SAMD5: variants seen among roughly 807,000 people sequenced by gnomAD.
SAMD5 encodes sterile alpha motif domain containing 5, also known as sterile alpha motif domain-containing protein 5.
Under a neutral mutation model 11.3 loss-of-function variants are expected in SAMD5, and 13 were observed. The observed-to-expected ratio is 1.15, with a 90% confidence interval of 0.75 to 1.83. The LOEUF is 1.83. Ranked by LOEUF, SAMD5 falls within the 40% of genes most tolerant of loss-of-function variation. The probability of loss-of-function intolerance (pLI) is 0.00; values close to 1 mark genes in which losing one functional copy is unlikely to be tolerated. For synonymous variants in SAMD5, 129 were observed against 111.3 expected, an observed-to-expected ratio of 1.16 and a Z score of -1.00; for missense variants, 255 against 239.1, an observed-to-expected ratio of 1.07 and a Z score of -0.44.
Position 147,568,858 on chromosome 6 carries a change from G to C in SAMD5, c.*4402G>C. Reference sequence around the variant, plus strand: ...GGACATAAAATCAAATAACTTTCTAGTCCATGATCATTAATCCCTACTATT... The same window carrying C: ...GGACATAAAATCAAATAACTTTCTACTCCATGATCATTAATCCCTACTATT... On this transcript the variant is annotated 3_prime_UTR_variant, in exon 2 of 2. Transcript: ENST00000367474. The C allele has an allele frequency of 4.2e-6, 4 of 955,950 alleles. No individual in the cohort carries two copies. In the South Asian group the frequency reaches 1.9e-4, roughly 46 times the overall value. 59.2% of individuals were successfully genotyped at this position (955,950 alleles called of 1,614,324 possible).
Position 147,730,297 on chromosome 6 carries a change from G to A in SAMD5, c.163-7020G>A. 2.3e-5 allele frequency: 8 copies of A among 341,214 alleles called. 1 individual carries two copies. The highest frequency in any genetic ancestry group is 2.0e-4 in the South Asian group (8 of 41,024). 21.1% of individuals were successfully genotyped at this position (341,214 alleles called of 1,614,324 possible). On this transcript the variant is annotated intron_variant, in intron 1 of 1. Transcript: ENST00000566741. ...GGATCACTTTGACTGATGTGTTGAG[G>A]GACTAAACACAGACTAAAGAGGGAC...
At chr6:147,913,764 A>T in the SAMD5 span, among the ~76,000 whole-genome samples, 1 of 152,244 alleles carries the variant, frequency 6.6e-6, no homozygotes, top group African/African-American at 2.4e-5. Flanking sequence ...ATGGACTTGA[A>T]TTAGATGTAT....
At chr6:147,626,483 A>T (rs6916466) in intron 1 of SAMD5, among the ~76,000 whole-genome samples, 1 of 151,344 alleles carries the variant, frequency 6.6e-6, no homozygotes, top group Non-Finnish European at 1.5e-5. Flanking sequence ...ATTATGTAGT[A>T]GAACACTGAT....
chr6:147,788,651 G>A, the SAMD5 span, among the ~76,000 whole-genome samples: 35 of 152,284 alleles, frequency 2.3e-4, no homozygotes, highest in African/African-American at 8.4e-4. Flanking sequence ...TTAAGAATAT[G>A]AGTGAAGTTT....
chr6:147,552,826 T>C (rs1031030918), intron 1 of SAMD5, among the ~76,000 whole-genome samples: 9 of 152,324 alleles, frequency 5.9e-5, no homozygotes, highest in Non-Finnish European at 2.9e-5. Flanking sequence ...CTGTAGGGCA[T>C]GCTTCACAAA....
rs75436316 is a variant in SAMD5 at position 147,563,347 on chromosome 6, T to G, written c.460-1047T>G. ...GATGATGTCTGCAGTATGATTTTTATTTTTTGGGAGCTTACAAGGCTTGGA... is the reference window on the plus strand; with the variant it reads ...GATGATGTCTGCAGTATGATTTTTAGTTTTTGGGAGCTTACAAGGCTTGGA... On this transcript the variant is annotated intron_variant, in intron 1 of 1. Coordinates refer to ENST00000367474, the MANE Select transcript of SAMD5 (RefSeq NM_001030060.3). Among the ~76,000 whole-genome samples the G allele has an allele frequency of 4.2e-3, 635 of 152,332 alleles. 2 individuals carry two copies. The highest frequency in any genetic ancestry group is 0.015 in the African/African-American group (608 of 41,570).
At chr6:147,819,838 G>A in the SAMD5 span, among the ~76,000 whole-genome samples, 5 of 152,166 alleles carry the variant, frequency 3.3e-5, no homozygotes, top group East Asian at 7.7e-4. Flanking sequence ...GAAAAGAGAG[G>A]GCCTGAGAAA....
At chr6:147,814,152 A>C in the SAMD5 span, among the ~76,000 whole-genome samples, 1 of 152,264 alleles carries the variant, frequency 6.6e-6, no homozygotes, top group South Asian at 2.1e-4. Context: ...TCCAATGGAA[A>C]ACATTAGTAT....
chr6:147,564,995 A>G lies in SAMD5; in HGVS notation c.*539A>G. 2.3e-6 allele frequency: 2 copies of G among 877,436 alleles called. No individual in the cohort carries two copies. Among genetic ancestry groups the G allele is most frequent in the Non-Finnish European group, 2.7e-6 (2 of 732,394 alleles). The allele number at this position is 877,436 out of a possible 1,614,324, so 54.4% of individuals were successfully genotyped here. ...TCTATGTAGAATAGTTTGGTGAAGG[A>G]ATTCTTATTTTAAGGTGCTTTTATA... On this transcript the variant is annotated 3_prime_UTR_variant, in exon 2 of 2. Transcript: ENST00000367474.
chr6:147,910,442 G>T, the SAMD5 span, among the ~76,000 whole-genome samples: 3 of 152,210 alleles, frequency 2.0e-5, no homozygotes, highest in African/African-American at 7.2e-5. Context: ...TCCGGGCGCA[G>T]CGGTGCCCTC....
At chr6:147,936,188 C>T in the SAMD5 span, among the ~76,000 whole-genome samples, 1 of 152,274 alleles carries the variant, frequency 6.6e-6, no homozygotes, top group African/African-American at 2.4e-5. Flanking sequence ...TTGTACTCTT[C>T]TCAGCCTGTT....
intron 1 of SAMD5, among the ~76,000 whole-genome samples, chr6:147,728,148 G>A (rs1301015790): frequency 9.3e-6 from 1 of 107,640 alleles, no homozygotes; most frequent in Non-Finnish European, 2.2e-5. Flanking sequence ...TAACCAGGCT[G>A]GGCCCAGCGG....
the SAMD5 span, among the ~76,000 whole-genome samples, chr6:147,829,307 A>G: frequency 2.0e-5 from 3 of 152,182 alleles, no homozygotes; most frequent in African/African-American, 7.2e-5. Flanking sequence ...TGCGAGGAGA[A>G]GCTCTGAGGC....
At chr6:147,804,150 C>T in the SAMD5 span, among the ~76,000 whole-genome samples, 2 of 149,426 alleles carry the variant, frequency 1.3e-5, no homozygotes, top group African/African-American at 2.5e-5. Flanking sequence ...TGCTGTCGGC[C>T]AGGCTGGAGT....
the SAMD5 span, among the ~76,000 whole-genome samples, chr6:147,919,798 T>C: frequency 1.3e-5 from 2 of 152,210 alleles, no homozygotes; most frequent in African/African-American, 4.8e-5. Flanking sequence ...TAAAACTTTA[T>C]AGCTGGAGAA....
chr6:147,662,769 T>C (rs954213215), intron 1 of SAMD5, among the ~76,000 whole-genome samples: 6 of 152,214 alleles, frequency 3.9e-5, no homozygotes, highest in African/African-American at 1.4e-4. Context: ...GTCTTCTGCA[T>C]GCACGTAATC....
At position 147,509,283 on chromosome 6, in the gene SAMD5, A is replaced by T. The variant is rs763103830; in HGVS notation, c.355A>T (p.Ser119Cys). 1.2e-4 allele frequency: 183 copies of T among 1,562,936 alleles called. 5 individuals are homozygous for T. In the South Asian group the frequency reaches 2.1e-3, roughly 18 times the overall value. Reference protein sequence around the residue: ...DSRGHTTAPRSRELVSYPKLK... With the variant: ...DSRGHTTAPRCRELVSYPKLK... Reference sequence around the variant, plus strand: ...TCGCGGCCACACGACCGCCCCCCGCAGCAGGGAGCTGGTGAGCTACCCCAA... The same window carrying T: ...TCGCGGCCACACGACCGCCCCCCGCTGCAGGGAGCTGGTGAGCTACCCCAA... The change falls in exon 1 of 2, where the codon AGC (serine) becomes TGC (cysteine). Residue 119 changes from serine to cysteine, a missense_variant. Ser to Cys is a moderately radical substitution (Grantham distance 112). Transcript: ENST00000367474.
the SAMD5 span, among the ~76,000 whole-genome samples, chr6:147,753,973 C>A: frequency 6.6e-6 from 1 of 152,138 alleles, no homozygotes; most frequent in Non-Finnish European, 1.5e-5. Context: ...AGGATGCTTC[C>A]TGATCTTAGG....
rs764538137 is a variant in SAMD5 at position 147,703,894 on chromosome 6, A to ATTAT, written c.163-33408_163-33405dup. On this transcript the variant is annotated intron_variant, in intron 1 of 1. Transcript: ENST00000566741. ...TGGAAATTCTACATTATTTTCTTTT[A>ATTAT]TTATTTATTTATTTATTTTTAGACG... is the stretch of plus-strand genomic sequence containing the variant. 5.2e-4 allele frequency among the ~76,000 whole-genome samples: 79 copies of ATTAT among 152,084 alleles called. 1 individual carries two copies. The highest frequency in any genetic ancestry group is 9.4e-4 in the Non-Finnish European group (64 of 67,990).
Sources: allele counts gnomAD v4.1 joint callset (sites outside exome capture counted in the v4.1 genomes callset), GRCh38; gene constraint gnomAD v4.1.1; transcripts MANE v1.5; gene names NCBI Gene and HGNC (gene_info 2026-07-23, HGNC 2026-07-21).